EPHA5: variants seen among roughly 807,000 people sequenced by gnomAD.
The protein encoded by EPHA5 is ephrin type-A receptor 5.
Under a neutral mutation model 105.0 loss-of-function variants are expected in EPHA5, and 60 were observed. The observed-to-expected ratio is 0.57, with a 90% CI of 0.46 to 0.71. The LOEUF (loss-of-function observed/expected upper bound fraction) is 0.71. Ranked by LOEUF, EPHA5 falls within the 30% of genes least tolerant of loss-of-function variation. The pLI is 0.00. For missense variants in EPHA5, 1,218 were observed against 1,274.7 expected (o/e 0.96, Z 0.68); for synonymous variants, 513 against 449.1 (o/e 1.14, Z -1.80).
intron 5 of EPHA5, among the ~76,000 whole-genome samples, chr4:65,455,228 G>A (rs903778878): frequency 4.0e-5 from 6 of 151,762 alleles, no homozygotes; most frequent in Middle Eastern, 3.4e-3. Flanking sequence ...GAGAGACTCC[G>A]TCTCAAAAAG....
At position 65,572,346 on chromosome 4, in the gene EPHA5, TA is replaced by T. The variant is rs370405414; in HGVS notation, c.910+29294del. On this transcript the variant is annotated intron_variant, in intron 3 of 16. Coordinates refer to ENST00000613740, the MANE Select transcript of EPHA5 (RefSeq NM_001281766.3). ...ATCACCACACTTATTTCAGTGATTTTATCCCCTTGATATATCACTTACTCTC... is the reference window on the plus strand; with the variant it reads ...ATCACCACACTTATTTCAGTGATTTTTCCCCTTGATATATCACTTACTCTC... Among the ~76,000 whole-genome samples the T allele has an allele frequency of 3.4e-3, 513 of 152,346 alleles. 3 individuals are homozygous for T. Among genetic ancestry groups the T allele is most frequent in the African/African-American group, 0.012 (501 of 41,584 alleles).
chr4:65,348,670 A>G (rs1280140914), intron 13 of EPHA5, among the ~76,000 whole-genome samples: 253 of 19,756 alleles, frequency 0.013, 10 homozygotes, highest in Non-Finnish European at 0.032. Context: ...ATATATATAT[A>G]TATATATATA....
chr4:65,380,704 C>T (rs981420604), intron 8 of EPHA5, among the ~76,000 whole-genome samples: 1 of 151,694 alleles, frequency 6.6e-6, no homozygotes, highest in Non-Finnish European at 1.5e-5. Flanking sequence ...TAAAAGGCTG[C>T]ATAATTTTCC....
intron 8 of EPHA5, among the ~76,000 whole-genome samples, chr4:65,380,940 G>C (rs1198913739): frequency 6.6e-6 from 1 of 151,680 alleles, no homozygotes; most frequent in Non-Finnish European, 1.5e-5. Context: ...AAGCAGTCTT[G>C]AATATATCCA....
chr4:65,662,943 A>G (rs1284497490), intron 1 of EPHA5, among the ~76,000 whole-genome samples: 1 of 152,136 alleles, frequency 6.6e-6, no homozygotes, highest in Non-Finnish European at 1.5e-5. Context: ...TAAAGGCATG[A>G]ACATTTTATC....
chr4:65,514,221 C>T (rs1452943216), intron 3 of EPHA5, among the ~76,000 whole-genome samples: 1 of 152,112 alleles, frequency 6.6e-6, no homozygotes, highest in Non-Finnish European at 1.5e-5. Context: ...GTGGCTGCCA[C>T]AGATATTCCA....
intron 3 of EPHA5, among the ~76,000 whole-genome samples, chr4:65,571,452 T>A (rs1407964666): frequency 1.3e-5 from 2 of 152,076 alleles, no homozygotes; most frequent in Non-Finnish European, 2.9e-5. Context: ...AATCAACACA[T>A]GAAACTGCTT....
At chr4:65,608,004 A>G (rs767262809) in intron 2 of EPHA5, among the ~76,000 whole-genome samples, 1 of 152,166 alleles carries the variant, frequency 6.6e-6, no homozygotes. Flanking sequence ...GTGCAGCCAT[A>G]CTAAACGATG....
At chr4:65,520,392 G>A (rs1017366001) in intron 3 of EPHA5, among the ~76,000 whole-genome samples, 1 of 152,112 alleles carries the variant, frequency 6.6e-6, no homozygotes, top group African/African-American at 2.4e-5. Context: ...ATGGATTAAA[G>A]ACTTAAATAT....
chr4:65,620,504 G>C (rs1745622388), intron 2 of EPHA5, among the ~76,000 whole-genome samples: 1 of 151,994 alleles, frequency 6.6e-6, no homozygotes, highest in South Asian at 2.1e-4. Context: ...TGAGAGAAGG[G>C]GGAAATATAC....
At chr4:65,582,484 A>G (rs4434309) in intron 3 of EPHA5, among the ~76,000 whole-genome samples, 35,847 of 150,994 alleles carry the variant, frequency 0.24, 4,435 homozygotes, top group East Asian at 0.27. Flanking sequence ...GAAAAAAAAA[A>G]AAAAGAAAAT....
At chr4:65,550,617 T>C (rs1737803455) in intron 3 of EPHA5, among the ~76,000 whole-genome samples, 1 of 152,064 alleles carries the variant, frequency 6.6e-6, no homozygotes, top group Non-Finnish European at 1.5e-5. Flanking sequence ...AGGTGGATCA[T>C]GAGGTCAGGA....
At chr4:65,456,448 A>AG (rs1228709452) in intron 5 of EPHA5, among the ~76,000 whole-genome samples, 1 of 152,174 alleles carries the variant, frequency 6.6e-6, no homozygotes, top group East Asian at 1.9e-4. Context: ...ACCAATAAGA[A>AG]GAAAAACTAT....
intron 5 of EPHA5, among the ~76,000 whole-genome samples, chr4:65,437,256 C>G (rs1384060986): frequency 6.6e-6 from 1 of 151,958 alleles, no homozygotes; most frequent in Admixed American, 6.6e-5. Context: ...AGCCATCCTA[C>G]TGAGTTTATA....
At chr4:65,546,770 A>C (rs1737413448) in intron 3 of EPHA5, among the ~76,000 whole-genome samples, 1 of 152,086 alleles carries the variant, frequency 6.6e-6, no homozygotes, top group Admixed American at 6.6e-5. Flanking sequence ...CTAATTCTAC[A>C]AAAAAGAAAT....
intron 1 of EPHA5, among the ~76,000 whole-genome samples, chr4:65,667,089 T>G (rs1371387259): frequency 6.6e-6 from 1 of 152,162 alleles, no homozygotes; most frequent in Non-Finnish European, 1.5e-5. Flanking sequence ...ATACATGAAA[T>G]CTTTCTGCCC....
At chr4:65,631,174 C>T (rs1746597383) in intron 2 of EPHA5, among the ~76,000 whole-genome samples, 2 of 152,146 alleles carry the variant, frequency 1.3e-5, no homozygotes, top group African/African-American at 2.4e-5. Context: ...ATCCTTTAGT[C>T]TGCTTTTGAT....
chr4:65,670,486 CTG>C lies in EPHA5; in HGVS notation c.-746_-745del, dbSNP rs1232624077. The C allele has an allele frequency of 4.3e-6, 1 of 233,334 alleles. No homozygotes were observed. The highest frequency in any genetic ancestry group is 8.5e-6 in the Non-Finnish European group (1 of 118,142). The allele number at this position is 233,334 out of a possible 1,614,324, so 14.5% of individuals were successfully genotyped here. ...ACTGCACCGCCAAGGCGCGCTCCTGCTGTGTCTGGAGCTCCGGCGTCTCCTCT... is the reference window on the plus strand; with the variant it reads ...ACTGCACCGCCAAGGCGCGCTCCTGCTGTCTGGAGCTCCGGCGTCTCCTCT... On this transcript the variant is annotated 5_prime_UTR_variant, in exon 1 of 17. Coordinates refer to ENST00000613740, the MANE Select transcript of EPHA5 (RefSeq NM_001281766.3).
At chr4:65,534,590 G>A (rs1189391437) in intron 3 of EPHA5, among the ~76,000 whole-genome samples, 1 of 152,166 alleles carries the variant, frequency 6.6e-6, no homozygotes, top group Non-Finnish European at 1.5e-5. Context: ...AGACAAAGAT[G>A]TCATCAAAAG....
Sources: gnomAD v4.1 joint callset for allele counts (sites outside exome capture counted in the v4.1 genomes callset) on GRCh38, gnomAD v4.1.1 for gene constraint, MANE v1.5 for transcripts, NCBI Gene and HGNC (gene_info 2026-07-23, HGNC 2026-07-21) for gene names.